Variants in SCYL2 observed in about 807,000 individuals in gnomAD.
SCYL2 encodes the protein SCY1 like pseudokinase 2.
Under a neutral mutation model 100.4 loss-of-function variants are expected in SCYL2, and 36 were observed. The ratio of observed to expected loss-of-function variants is 0.36; its 90% confidence interval spans 0.27 to 0.47. The LOEUF (loss-of-function observed/expected upper bound fraction) is 0.47, where lower values mean the gene tolerates loss of function less well. SCYL2 is among the 20% of genes least tolerant of loss of function. The probability of loss-of-function intolerance (pLI) is 1.00; values close to 1 mark genes in which losing one functional copy is unlikely to be tolerated. For missense variants in SCYL2, 902 were observed against 1,083.9 expected (o/e 0.83, Z 2.36); for synonymous variants, 330 against 359.2 (o/e 0.92, Z 0.92).
chr12:100,300,775 T>A (rs912517079), intron 4 of SCYL2, among the ~76,000 whole-genome samples: 1 of 152,212 alleles, frequency 6.6e-6, no homozygotes, highest in South Asian at 2.1e-4. Flanking sequence ...CTGAGTTATT[T>A]TGCTTAACAT....
At chr12:100,336,005 C>A (rs898774698) in intron 16 of SCYL2, 99 bp downstream of exon 16, 2 of 820,372 alleles carry the variant, frequency 2.4e-6, no homozygotes, top group Non-Finnish European at 4.0e-6. Flanking sequence ...AGCAGCTTAA[C>A]AAGAAACATT....
At position 100,340,916 on chromosome 12, in the gene SCYL2, G is replaced by A. The variant is rs1027989937; in HGVS notation, c.*1744G>A. The A allele has an allele frequency of 1.1e-4, 16 of 151,950 alleles. No homozygotes were observed. Among genetic ancestry groups the A allele is most frequent in the African/African-American group, 3.4e-4 (14 of 41,392 alleles). 9.4% of individuals were successfully genotyped at this position (151,950 alleles called of 1,614,324 possible). A position where few individuals can be genotyped will look rare whatever the true frequency, so the allele number is the denominator to read the frequency against. ...GTCTTTTGGGAAAAAGCCTACATAT[G>A]GAATAAAATAAGTATTGAAGAATTT... On this transcript the variant is annotated 3_prime_UTR_variant, in exon 18 of 18. Coordinates refer to ENST00000360820, the MANE Select transcript of SCYL2 (RefSeq NM_017988.6).
At chr12:100,310,362 T>C (rs1342829886) in intron 4 of SCYL2, among the ~76,000 whole-genome samples, 3 of 152,246 alleles carry the variant, frequency 2.0e-5, no homozygotes, top group Non-Finnish European at 4.4e-5. Flanking sequence ...ACTGTGGTTT[T>C]GATTTGCATT....
rs1328314359 is a variant in SCYL2, at chr12:100,341,487, A to G, written c.*2315A>G. 6.6e-6 allele frequency: 1 copy of G among 152,158 alleles called. No individual in the cohort carries two copies. Among genetic ancestry groups the G allele is most frequent in the African/African-American group, 2.4e-5 (1 of 41,448 alleles). 9.4% of individuals were successfully genotyped at this position (152,158 alleles called of 1,614,324 possible). On this transcript the variant is annotated 3_prime_UTR_variant, in exon 18 of 18. Coordinates refer to ENST00000360820, the MANE Select transcript of SCYL2 (RefSeq NM_017988.6). Reference sequence around the variant, plus strand: ...GCTAAATGTGTGATATATAGAGAGGATGTATAAAAGGAAATGGAAATAGAC... The same window carrying G: ...GCTAAATGTGTGATATATAGAGAGGGTGTATAAAAGGAAATGGAAATAGAC...
At chr12:100,320,549 A>AAAATAAATAAATAAAT (rs10644195) in intron 10 of SCYL2, among the ~76,000 whole-genome samples, 13 of 139,814 alleles carry the variant, frequency 9.3e-5, no homozygotes, top group South Asian at 2.4e-4. Context: ...CTCCGTCTCA[A>AAAATAAATAAATAAAT]AAATAAATAA....
intron 7 of SCYL2, 132 bp from the exon 8 acceptor site, chr12:100,314,357 A>G (rs769376186): frequency 1.2e-4 from 72 of 604,228 alleles, no homozygotes; most frequent in Non-Finnish European, 1.9e-4. Context: ...TATAATTAGA[A>G]TTTCTAAGGT....
intron 10 of SCYL2, among the ~76,000 whole-genome samples, chr12:100,322,233 C>T (rs1296503926): frequency 9.4e-5 from 14 of 149,626 alleles, no homozygotes; most frequent in Non-Finnish European, 7.4e-5. Context: ...ATTAGCCGGG[C>T]GTGGTGGCGG....
At chr12:100,290,830 G>A (rs2096309713) in intron 2 of SCYL2, among the ~76,000 whole-genome samples, 1 of 152,126 alleles carries the variant, frequency 6.6e-6, no homozygotes, top group Non-Finnish European at 1.5e-5. Flanking sequence ...TTTGTTAAGA[G>A]TGGGTAACTA....
intron 13 of SCYL2, among the ~76,000 whole-genome samples, chr12:100,330,694 G>A (rs1035946175): frequency 3.3e-5 from 5 of 152,148 alleles, no homozygotes; most frequent in African/African-American, 1.2e-4. Context: ...AGTTGAGAGC[G>A]TTTGGCATTG....
At chr12:100,309,384 ACTC>A (rs1309420409) in intron 4 of SCYL2, among the ~76,000 whole-genome samples, 4 of 150,430 alleles carry the variant, frequency 2.7e-5, no homozygotes, top group South Asian at 4.2e-4. Context: ...TATTCCTCCA[ACTC>A]CTCCTCCCTT....
At chr12:100,276,883 T>C (rs1221276865) in intron 1 of SCYL2, among the ~76,000 whole-genome samples, 1 of 152,090 alleles carries the variant, frequency 6.6e-6, no homozygotes, top group Non-Finnish European at 1.5e-5. Context: ...TATAAACATT[T>C]ACAGCTATAG....
At chr12:100,301,680 G>A (rs1248834059) in intron 4 of SCYL2, among the ~76,000 whole-genome samples, 3 of 152,334 alleles carry the variant, frequency 2.0e-5, no homozygotes, top group Non-Finnish European at 2.9e-5. Context: ...TTGATTTTCT[G>A]TCTGGAAGAT....
At chr12:100,294,278 G>T (rs1336682748) in intron 3 of SCYL2, among the ~76,000 whole-genome samples, 2 of 127,856 alleles carry the variant, frequency 1.6e-5, no homozygotes, top group Admixed American at 1.5e-4. Context: ...CCTCCCTCCC[G>T]GACGGGGCGG....
At chr12:100,327,105 C>A in intron 12 of SCYL2, 1 of 308,272 alleles carries the variant, frequency 3.2e-6, no homozygotes, top group East Asian at 9.2e-5. Context: ...TTGTAAGAGG[C>A]AAAGTATTTT....
At chr12:100,280,736 A>G (rs556485480) in intron 1 of SCYL2, among the ~76,000 whole-genome samples, 119 of 152,176 alleles carry the variant, frequency 7.8e-4, no homozygotes, top group Non-Finnish European at 1.3e-3. Flanking sequence ...GGAGCATTTC[A>G]GATTTTGGAT....
At chr12:100,302,331 A>G (rs977644051) in intron 4 of SCYL2, among the ~76,000 whole-genome samples, 5 of 152,182 alleles carry the variant, frequency 3.3e-5, no homozygotes, top group Admixed American at 6.5e-5. Context: ...CCAGCCCAGG[A>G]CTAAGAGTTG....
intron 7 of SCYL2, 86 bp downstream of exon 7, chr12:100,313,624 T>TAAAAAGACATATACA: frequency 1.4e-6 from 1 of 704,322 alleles, no homozygotes. Context: ...AAAAAATATT[T>TAAAAAGACATATACA]TTCCCCAGGG....
chr12:100,288,980 T>G (rs917001181), intron 2 of SCYL2, among the ~76,000 whole-genome samples: 3 of 152,102 alleles, frequency 2.0e-5, no homozygotes, highest in Non-Finnish European at 2.9e-5. Flanking sequence ...GTGCAAAGAT[T>G]ACAGGCGTGA....
chr12:100,321,635 A>C (rs965026524), intron 10 of SCYL2, among the ~76,000 whole-genome samples: 2 of 152,232 alleles, frequency 1.3e-5, no homozygotes, highest in Non-Finnish European at 2.9e-5. Flanking sequence ...ACTTACAAAT[A>C]ACAAAAAAAA....
Sources: gnomAD v4.1 joint callset for allele counts (sites outside exome capture counted in the v4.1 genomes callset) on GRCh38, gnomAD v4.1.1 for gene constraint, MANE v1.5 for transcripts, NCBI Gene and HGNC (gene_info 2026-07-23, HGNC 2026-07-21) for gene names.